Variants in SLC49A4 observed in about 807,000 individuals in gnomAD.
SLC49A4 encodes the protein solute carrier family 49 member 4.
Under a neutral mutation model 50.6 loss-of-function variants are expected in SLC49A4, and 36 were observed. That is an observed-to-expected ratio of 0.71 (90% CI 0.55 to 0.94). The LOEUF (loss-of-function observed/expected upper bound fraction) is 0.94. Ranked by LOEUF, SLC49A4 falls within the 40% of genes least tolerant of loss-of-function variation. SLC49A4 has a pLI of 0.00. For synonymous variants in SLC49A4, 248 were observed against 241.2 expected, an observed-to-expected ratio of 1.03 and a Z score of -0.26; for missense variants, 503 against 605.7, an observed-to-expected ratio of 0.83 and a Z score of 1.78.
intron 7 of SLC49A4, among the ~76,000 whole-genome samples, chr3:122,866,448 T>C (rs375741878): frequency 7.9e-5 from 12 of 152,326 alleles, no homozygotes; most frequent in African/African-American, 2.9e-4. Context: ...TAATTTATCA[T>C]TGAGTAAGTG....
chr3:122,795,467 T>C lies in SLC49A4; in HGVS notation c.275T>C (p.Leu92Pro). The change falls in exon 1 of 9, where the codon CTG becomes CCG. Residue 92 changes from leucine (L) to proline (P), a missense_variant. By Grantham distance (98) the Leu-to-Pro change is moderately conservative. Transcript: ENST00000261038. ...GGCTTCTCCAGCTGGGACATCGCGCTGCTCGTGCTGTGGGGGCCCATCGGC... is the reference window on the plus strand; with the variant it reads ...GGCTTCTCCAGCTGGGACATCGCGCCGCTCGTGCTGTGGGGGCCCATCGGC... ...AYGFSSWDIALLVLWGPIGFL... is the reference protein window; with the variant it reads ...AYGFSSWDIAPLVLWGPIGFL... The C allele has an allele frequency of 6.2e-7, 1 of 1,606,950 alleles. No individual in the cohort carries two copies. The highest frequency in any genetic ancestry group is 2.2e-5 in the East Asian group (1 of 44,742).
chr3:122,845,342 A>G (rs1487582034), intron 4 of SLC49A4, among the ~76,000 whole-genome samples: 1 of 152,136 alleles, frequency 6.6e-6, no homozygotes, highest in Non-Finnish European at 1.5e-5. Flanking sequence ...TATTTGTACC[A>G]CATTTTCTTT....
chr3:122,813,613 T>C (rs1338451110), intron 2 of SLC49A4, among the ~76,000 whole-genome samples: 2 of 152,180 alleles, frequency 1.3e-5, no homozygotes, highest in African/African-American at 4.8e-5. Context: ...TCAAAACCTA[T>C]TGCAAATGTT....
intron 7 of SLC49A4, among the ~76,000 whole-genome samples, chr3:122,863,432 A>G (rs1476610200): frequency 6.6e-6 from 1 of 152,252 alleles, no homozygotes; most frequent in African/African-American, 2.4e-5. Flanking sequence ...TGCCAGTGGT[A>G]GTCAGCAATT....
intron 5 of SLC49A4, among the ~76,000 whole-genome samples, chr3:122,849,861 T>C (rs1576305778): frequency 6.6e-6 from 1 of 152,182 alleles, no homozygotes. Context: ...TTGCTTTTGT[T>C]GCCTGTGTTT....
rs1326554938 is a variant in SLC49A4, at chr3:122,841,059, G to A, written c.834-4704G>A. 2.0e-5 allele frequency among the ~76,000 whole-genome samples: 3 copies of A among 152,096 alleles called. No homozygotes were observed. The East Asian group carries it at 5.8e-4, about 29-fold the overall frequency. On this transcript the variant is annotated intron_variant, in intron 4 of 8. Transcript: ENST00000261038. Reference sequence around the variant, plus strand: ...AAGGATCCAAACAGTTTTATAGCTGGCCAAATTATTAGTTCAGATCTGTTA... The same window carrying A: ...AAGGATCCAAACAGTTTTATAGCTGACCAAATTATTAGTTCAGATCTGTTA...
At chr3:122,805,395 G>C (rs191094385) in intron 1 of SLC49A4, among the ~76,000 whole-genome samples, 25 of 152,188 alleles carry the variant, frequency 1.6e-4, no homozygotes, top group African/African-American at 6.0e-4. Context: ...TATTTTCTTT[G>C]CTATGTTTGA....
rs778952876 is a variant in SLC49A4 at position 122,795,154 on chromosome 3, G to A, written c.-39G>A. On this transcript the variant is annotated 5_prime_UTR_variant, in exon 1 of 9. Coordinates refer to ENST00000261038, the MANE Select transcript of SLC49A4 (RefSeq NM_032839.3). Reference sequence around the variant, plus strand: ...CGCTGGGCTAGTCGGCGGTGACCCGGACTGCGCCCGGCAGTGGCTTCGCGG... The same window carrying A: ...CGCTGGGCTAGTCGGCGGTGACCCGAACTGCGCCCGGCAGTGGCTTCGCGG... 1,629 of 1,308,290 alleles carry A rather than the reference G, an allele frequency of 1.2e-3. 1 individual carries two copies. Among genetic ancestry groups the A allele is most frequent in the Admixed American group, 2.6e-3 (61 of 23,822 alleles). The allele number at this position is 1,308,290 out of a possible 1,614,324, so 81.0% of individuals were successfully genotyped here. A position where few individuals can be genotyped will look rare whatever the true frequency, so the allele number is the denominator to read the frequency against.
chr3:122,855,418 C>T (rs76598382), intron 5 of SLC49A4, among the ~76,000 whole-genome samples: 2,642 of 152,294 alleles, frequency 0.017, 51 homozygotes, highest in Non-Finnish European at 0.029. Flanking sequence ...TCATTCATAA[C>T]AACTAACATG....
At position 122,880,769 on chromosome 3, in the gene SLC49A4, A is replaced by C. The variant is rs1400706521; in HGVS notation, c.*1391A>C. 6.6e-6 allele frequency: 1 copy of C among 152,456 alleles called. No individual in the cohort carries two copies. The highest frequency in any genetic ancestry group is 1.9e-4 in the East Asian group (1 of 5,184). 9.4% of individuals were successfully genotyped at this position (152,456 alleles called of 1,614,324 possible). The stretch of plus-strand genomic sequence containing the variant: ...TGAAGGTTCAGGAAAGCTGGGCAGC[A>C]CTGGGCCCTGCTCCTCTCTGCACCT... On this transcript the variant is annotated 3_prime_UTR_variant, in exon 9 of 9. Coordinates refer to ENST00000261038, the MANE Select transcript of SLC49A4 (RefSeq NM_032839.3).
chr3:122,814,561 A>C (rs146197993), intron 2 of SLC49A4, among the ~76,000 whole-genome samples: 1 of 152,332 alleles, frequency 6.6e-6, no homozygotes, highest in Admixed American at 6.5e-5. Context: ...ATTTATTGAC[A>C]GCATATGTAT....
At chr3:122,855,348 G>A (rs80013142) in intron 5 of SLC49A4, among the ~76,000 whole-genome samples, 4,982 of 152,258 alleles carry the variant, frequency 0.033, 121 homozygotes, top group Middle Eastern at 0.071. Context: ...GATAATAAAA[G>A]CAAGCATGGT....
intron 6 of SLC49A4, among the ~76,000 whole-genome samples, chr3:122,857,255 C>CAGAAGT (rs1937000426): frequency 9.3e-6 from 1 of 107,026 alleles, no homozygotes; most frequent in Non-Finnish European, 1.8e-5. Context: ...TAGAATGAGT[C>CAGAAGT]AGAAGTAGGA....
At chr3:122,856,855 A>G (rs1482446464) in intron 6 of SLC49A4, among the ~76,000 whole-genome samples, 1 of 151,448 alleles carries the variant, frequency 6.6e-6, no homozygotes, top group Non-Finnish European at 1.5e-5. Flanking sequence ...AAAAAAAAAG[A>G]ATTTGCTGCT....
In SLC49A4 at chr3:122,845,784, T is replaced by C. The variant is rs1436574873; in HGVS notation, c.855T>C (p.Ile285=). Residue 285 remains isoleucine, a synonymous_variant, in exon 5 of 9, where the codon ATT becomes ATC. Coordinates refer to ENST00000261038, the MANE Select transcript of SLC49A4 (RefSeq NM_032839.3). ...RLLSNFRFLM[I]ALAYAIPLGV... ...ACAGCAATTTTCGATTTTTGATGAT[T>C]GCTTTAGCATATGCCATACCACTTG... The C allele has an allele frequency of 6.3e-7, 1 of 1,589,262 alleles. No homozygotes were observed. The highest frequency in any genetic ancestry group is 1.4e-5 in the African/African-American group (1 of 73,902).
chr3:122,848,366 C>CAA (rs1362575090), intron 5 of SLC49A4, among the ~76,000 whole-genome samples: 2 of 152,064 alleles, frequency 1.3e-5, no homozygotes, highest in Non-Finnish European at 2.9e-5. Context: ...GCACCAATAC[C>CAA]AAATTGTGTT....
At chr3:122,808,606 T>G (rs902527964) in intron 2 of SLC49A4, among the ~76,000 whole-genome samples, 1 of 152,148 alleles carries the variant, frequency 6.6e-6, no homozygotes, top group African/African-American at 2.4e-5. Context: ...CCAGATTCTT[T>G]AAGACCACGT....
intron 3 of SLC49A4, among the ~76,000 whole-genome samples, chr3:122,832,237 C>A (rs1302499399): frequency 6.6e-6 from 1 of 152,146 alleles, no homozygotes; most frequent in Non-Finnish European, 1.5e-5. Context: ...ATAGACAGGT[C>A]TATATTCCAA....
At chr3:122,828,100 A>G (rs557382086) in intron 3 of SLC49A4, among the ~76,000 whole-genome samples, 2 of 152,324 alleles carry the variant, frequency 1.3e-5, no homozygotes, top group South Asian at 4.1e-4. Flanking sequence ...AAGGGACCCA[A>G]TTATACTGAA....
Sources: gnomAD v4.1 joint callset for allele counts (sites outside exome capture counted in the v4.1 genomes callset) on GRCh38, gnomAD v4.1.1 for gene constraint, MANE v1.5 for transcripts, NCBI Gene and HGNC (gene_info 2026-07-23, HGNC 2026-07-21) for gene names.